Variants in UGGT2 observed in about 807,000 individuals in gnomAD.
UGGT2 encodes the protein UDP-glucose glycoprotein glucosyltransferase 2, also known as UDP-glucose:glycoprotein glucosyltransferase 2.
UGGT2 carries 180 observed loss-of-function variants against 192.1 expected under a neutral mutation model. The observed-to-expected ratio is 0.94, with a 90% CI of 0.83 to 1.06. The LOEUF (loss-of-function observed/expected upper bound fraction) is 1.06. UGGT2 is among the 50% of genes least tolerant of loss of function. UGGT2 has a pLI of 0.00. For synonymous variants in UGGT2, 580 were observed against 591.0 expected (o/e 0.98, Z 0.27); for missense variants, 1,849 against 1,795.7 (o/e 1.03, Z -0.54).
intron 38 of UGGT2, among the ~76,000 whole-genome samples, chr13:95,802,297 G>C (rs1267816934): frequency 6.6e-6 from 1 of 152,164 alleles, no homozygotes; most frequent in Non-Finnish European, 1.5e-5. Flanking sequence ...ATTCTGATGA[G>C]ACTCTCAGAG....
chr13:96,039,468 G>T (rs2053102582), intron 1 of UGGT2, among the ~76,000 whole-genome samples: 1 of 152,092 alleles, frequency 6.6e-6, no homozygotes, highest in African/African-American at 2.4e-5. Flanking sequence ...GGGGACCCAT[G>T]AATCACATGC....
intron 12 of UGGT2, among the ~76,000 whole-genome samples, chr13:95,952,102 G>T (rs1238820416): frequency 6.6e-6 from 1 of 151,654 alleles, no homozygotes; most frequent in East Asian, 1.9e-4. Context: ...ACAACATATT[G>T]ATTGGCAACA....
At chr13:95,854,165 A>T (rs1889342521) in intron 35 of UGGT2, 150 bp downstream of exon 35, 2 of 772,628 alleles carry the variant, frequency 2.6e-6, no homozygotes, top group Non-Finnish European at 4.0e-6. Context: ...GTAAAGGCTT[A>T]CAAGAGTGAC....
intron 11 of UGGT2, among the ~76,000 whole-genome samples, chr13:95,971,942 T>C (rs969133384): frequency 4.7e-4 from 72 of 152,278 alleles, no homozygotes; most frequent in African/African-American, 1.7e-3. Flanking sequence ...AAACTGAACA[T>C]CTGAATTAAA....
At position 95,948,030 on chromosome 13, in the gene UGGT2, C is replaced by T. The variant is rs1191768615; in HGVS notation, c.1507G>A (p.Ala503Thr). The change falls in exon 14 of 39, where the codon GCT becomes ACT. Residue 503 changes from alanine to threonine, a missense_variant. Coordinates refer to ENST00000376747, the MANE Select transcript of UGGT2 (RefSeq NM_020121.4). ...ACTTCGTGAGAATAGAAAACATCAGCAAGTTTTATAAAATCCAAGGTATAT... is the reference window on the plus strand; with the variant it reads ...ACTTCGTGAGAATAGAAAACATCAGTAAGTTTTATAAAATCCAAGGTATAT... ...QEYTLDFIKL[A>T]DVFYSHEVPL... The T allele has an allele frequency of 6.2e-7, 1 of 1,612,964 alleles. No homozygotes were observed. Among genetic ancestry groups the T allele is most frequent in the East Asian group, 2.2e-5 (1 of 44,778 alleles).
chr13:95,863,573 C>G (rs1365833475), intron 31 of UGGT2, 56 bp downstream of exon 31: 2 of 1,413,278 alleles, frequency 1.4e-6, no homozygotes, highest in African/African-American at 2.8e-5. Flanking sequence ...GGAACTTCCA[C>G]ATACTAGACT....
chr13:95,970,005 CTG>C, intron 12 of UGGT2, 105 bp downstream of exon 12: 1 of 1,181,118 alleles, frequency 8.5e-7, no homozygotes, highest in Non-Finnish European at 1.2e-6. Flanking sequence ...TCACTGAGAA[CTG>C]TTCCAAAATG....
intron 15 of UGGT2, among the ~76,000 whole-genome samples, chr13:95,944,339 G>C (rs2049793325): frequency 6.6e-6 from 1 of 151,894 alleles, no homozygotes; most frequent in African/African-American, 2.4e-5. Context: ...TCAAACATTT[G>C]AATATTTGGT....
intron 22 of UGGT2, among the ~76,000 whole-genome samples, 182 bp from the exon 23 acceptor site, chr13:95,895,486 T>G (rs1346062881): frequency 1.3e-5 from 2 of 151,936 alleles, no homozygotes; most frequent in African/African-American, 4.8e-5. Flanking sequence ...CTTTCTCACT[T>G]TGATATTACA....
intron 15 of UGGT2, among the ~76,000 whole-genome samples, chr13:95,942,224 GTGTGTGT>G (rs1566734846): frequency 0.12 from 10,328 of 82,668 alleles, 517 homozygotes; most frequent in Non-Finnish European, 0.16. Flanking sequence ...GGGTGAGGGT[GTGTGTGT>G]GTGTGTGTGT....
At chr13:95,874,898 C>T (rs1487785370) in intron 29 of UGGT2, among the ~76,000 whole-genome samples, 1 of 152,016 alleles carries the variant, frequency 6.6e-6, no homozygotes, top group Non-Finnish European at 1.5e-5. Context: ...GCTATATTGC[C>T]CAGGCTGGTC....
At chr13:95,931,156 C>T (rs2049249189) in intron 17 of UGGT2, among the ~76,000 whole-genome samples, 1 of 152,138 alleles carries the variant, frequency 6.6e-6, no homozygotes, top group African/African-American at 2.4e-5. Flanking sequence ...TGTTTACAAT[C>T]CCTGAGCTAG....
Position 95,830,111 on chromosome 13 carries a change from T to C in UGGT2, c.4528+2816A>G, listed in dbSNP as rs561022817. Reference sequence around the variant, plus strand: ...GCTGAAACTGGATCCCTTCCTTACATCTTATAGAAAAATTAATTCAAGATG... The same window carrying C: ...GCTGAAACTGGATCCCTTCCTTACACCTTATAGAAAAATTAATTCAAGATG... On this transcript the variant is annotated intron_variant, in intron 38 of 38. Coordinates refer to ENST00000376747, the MANE Select transcript of UGGT2 (RefSeq NM_020121.4). 1.4e-3 allele frequency among the ~76,000 whole-genome samples: 210 copies of C among 152,156 alleles called. 1 individual carries two copies. The highest frequency in any genetic ancestry group is 2.1e-3 in the Non-Finnish European group (144 of 67,966).
At chr13:95,935,595 T>G (rs2049436982) in intron 17 of UGGT2, among the ~76,000 whole-genome samples, 1 of 152,214 alleles carries the variant, frequency 6.6e-6, no homozygotes, top group African/African-American at 2.4e-5. Flanking sequence ...GACAGTTTGG[T>G]GACTATAAGC....
intron 4 of UGGT2, among the ~76,000 whole-genome samples, chr13:96,022,736 T>G (rs1309777691): frequency 6.6e-6 from 1 of 151,984 alleles, no homozygotes; most frequent in Non-Finnish European, 1.5e-5. Context: ...CAGGTATATA[T>G]TCAGTTTATA....
At chr13:95,865,558 G>A (rs1890583093) in intron 30 of UGGT2, among the ~76,000 whole-genome samples, 1 of 152,192 alleles carries the variant, frequency 6.6e-6, no homozygotes. Flanking sequence ...CAGTTACTCA[G>A]GGGGCTGAGG....
intron 8 of UGGT2, 136 bp from the exon 9 acceptor site, chr13:95,986,568 A>AT: frequency 1.9e-6 from 1 of 534,020 alleles, no homozygotes. Flanking sequence ...TTACATCTGC[A>AT]TTTTTAAAAA....
intron 1 of UGGT2, among the ~76,000 whole-genome samples, chr13:96,036,406 G>A (rs778836441): frequency 1.3e-5 from 2 of 152,128 alleles, no homozygotes; most frequent in African/African-American, 2.4e-5. Flanking sequence ...CTGTTGGAAA[G>A]GTGCAAGGGG....
At position 95,914,612 on chromosome 13, in the gene UGGT2, T is replaced by TAAAAAAAAA. The variant is rs146990164; in HGVS notation, c.2295+11059_2295+11067dup. On this transcript the variant is annotated intron_variant, in intron 20 of 38. Transcript: ENST00000376747. ...CATTATGGTGAAACTCCATCTCTACTAAAAAAAAAAAAAAAAAAAAAAAAA... is the reference window on the plus strand; with the variant it reads ...CATTATGGTGAAACTCCATCTCTACTAAAAAAAAAAAAAAAAAAAAAAAAAAAAAAAAAA... Among the ~76,000 whole-genome samples the TAAAAAAAAA allele has an allele frequency of 2.8e-4, 23 of 80,996 alleles. 1 individual carries two copies. The highest frequency in any genetic ancestry group is 8.0e-4 in the African/African-American group (16 of 19,972). The allele number at this position is 80,996 out of a possible 152,430, so 53.1% of individuals were successfully genotyped here. A position where few individuals can be genotyped will look rare whatever the true frequency, so the allele number is the denominator to read the frequency against.
Sources: allele counts gnomAD v4.1 joint callset (sites outside exome capture counted in the v4.1 genomes callset), GRCh38; gene constraint gnomAD v4.1.1; transcripts MANE v1.5; gene names NCBI Gene and HGNC (gene_info 2026-07-23, HGNC 2026-07-21).